Variants in KCNMB2 observed in about 807,000 individuals in gnomAD.
KCNMB2 encodes the protein potassium calcium-activated channel subfamily M regulatory beta subunit 2, also known as calcium-activated potassium channel subunit beta-2.
KCNMB2 carries 9 observed loss-of-function variants against 24.5 expected under a neutral mutation model. The ratio of observed to expected loss-of-function variants is 0.37; its 90% CI spans 0.22 to 0.64. KCNMB2 has a LOEUF of 0.64. Among genes scored for constraint, KCNMB2 ranks in the 30% least tolerant of loss-of-function variants. KCNMB2 has a pLI of 0.63. For missense variants in KCNMB2, 226 were observed against 284.3 expected, an observed-to-expected ratio of 0.79 and a Z score of 1.47; for synonymous variants, 109 against 104.4, an observed-to-expected ratio of 1.04 and a Z score of -0.27.
At chr3:178,631,679 T>C (rs1472298393) in intron 1 of KCNMB2, among the ~76,000 whole-genome samples, 1 of 152,238 alleles carries the variant, frequency 6.6e-6, no homozygotes, top group Non-Finnish European at 1.5e-5. Flanking sequence ...GTGTGCTATT[T>C]GTCACAATTC....
At chr3:178,716,789 C>T (rs372171792) in intron 1 of KCNMB2, among the ~76,000 whole-genome samples, 1 of 152,134 alleles carries the variant, frequency 6.6e-6, no homozygotes, top group Non-Finnish European at 1.5e-5. Context: ...AGGTTTTCCA[C>T]ATATATGCAT....
chr3:178,579,429 A>T (rs924136412), intron 1 of KCNMB2, among the ~76,000 whole-genome samples: 2 of 152,316 alleles, frequency 1.3e-5, no homozygotes, highest in African/African-American at 4.8e-5. Context: ...AAAGATCTAA[A>T]ATCAAGACCC....
chr3:178,813,948 CGTTGTTGTTGTT>C (rs201495357), intron 2 of KCNMB2, among the ~76,000 whole-genome samples: 9 of 149,470 alleles, frequency 6.0e-5, no homozygotes, highest in South Asian at 2.1e-4. Flanking sequence ...AACTTCACTA[CGTTGTTGTTGTT>C]GTTGTTGTTG....
At chr3:178,579,172 C>T (rs1322622396) in intron 1 of KCNMB2, among the ~76,000 whole-genome samples, 1 of 152,054 alleles carries the variant, frequency 6.6e-6, no homozygotes, top group Non-Finnish European at 1.5e-5. Context: ...ATAACAGTCT[C>T]TCAGACTACA....
chr3:178,806,535 A>T (rs1713976163), intron 1 of KCNMB2, among the ~76,000 whole-genome samples: 1 of 152,100 alleles, frequency 6.6e-6, no homozygotes, highest in Non-Finnish European at 1.5e-5. Flanking sequence ...TAATGTGTTA[A>T]ATATCATTTT....
chr3:178,607,412 C>T (rs749499460), intron 1 of KCNMB2, among the ~76,000 whole-genome samples: 2 of 152,126 alleles, frequency 1.3e-5, no homozygotes, highest in African/African-American at 2.4e-5. Flanking sequence ...TTTAAAATGC[C>T]TGCAAACCTC....
chr3:178,805,177 T>C (rs904064199), intron 1 of KCNMB2, among the ~76,000 whole-genome samples: 2 of 152,226 alleles, frequency 1.3e-5, no homozygotes, highest in African/African-American at 4.8e-5. Flanking sequence ...TACTGGTTAC[T>C]AAACTCTCAG....
At chr3:178,800,826 A>G (rs1033999564) in intron 1 of KCNMB2, among the ~76,000 whole-genome samples, 1 of 152,176 alleles carries the variant, frequency 6.6e-6, no homozygotes, top group Non-Finnish European at 1.5e-5. Flanking sequence ...ACATATACAC[A>G]ATGAAGTACT....
chr3:178,836,326 A>C (rs977936137), intron 4 of KCNMB2, among the ~76,000 whole-genome samples: 3 of 152,110 alleles, frequency 2.0e-5, no homozygotes, highest in Non-Finnish European at 4.4e-5. Flanking sequence ...CTAAGGAAAA[A>C]AAAATTTAGT....
chr3:178,718,330 A>G (rs1413622250), intron 1 of KCNMB2, among the ~76,000 whole-genome samples: 2 of 152,194 alleles, frequency 1.3e-5, no homozygotes, highest in African/African-American at 2.4e-5. Context: ...AACCCAACCA[A>G]ACAAGAAAAT....
At chr3:178,739,808 T>C (rs1230237472) in intron 1 of KCNMB2, among the ~76,000 whole-genome samples, 1 of 151,898 alleles carries the variant, frequency 6.6e-6, no homozygotes, top group Non-Finnish European at 1.5e-5. Context: ...GAAGGGAATA[T>C]ATAAAACTTC....
Position 178,689,813 on chromosome 3 carries a change from T to G in KCNMB2, c.-67-117530T>G, listed in dbSNP as rs73045976. On this transcript the variant is annotated intron_variant, in intron 1 of 4. Coordinates refer to ENST00000452583, the MANE Select transcript of KCNMB2 (RefSeq NM_181361.3). ...GTAGCTTGAACTTGGGTCTTCTCAC[T>G]CTAGTGACATGTTCATACACTACTC... 1.6e-3 allele frequency among the ~76,000 whole-genome samples: 251 copies of G among 152,242 alleles called. 1 individual carries two copies. The highest frequency in any genetic ancestry group is 5.8e-3 in the African/African-American group (240 of 41,542).
chr3:178,801,190 GGTTT>G (rs1281334121), intron 1 of KCNMB2, among the ~76,000 whole-genome samples: 2 of 152,062 alleles, frequency 1.3e-5, no homozygotes, highest in Non-Finnish European at 2.9e-5. Context: ...ATAATTGGAT[GGTTT>G]GTAACACGAT....
chr3:178,760,697 A>T (rs1352237962), intron 1 of KCNMB2, among the ~76,000 whole-genome samples: 2 of 151,808 alleles, frequency 1.3e-5, no homozygotes, highest in East Asian at 1.9e-4. Context: ...AGTGTAAGGG[A>T]GATAAGCAAG....
chr3:178,804,711 T>A (rs1713897795), intron 1 of KCNMB2, among the ~76,000 whole-genome samples: 1 of 152,246 alleles, frequency 6.6e-6, no homozygotes, highest in Non-Finnish European at 1.5e-5. Context: ...ATAATTTGTA[T>A]GATGTGTCTA....
At chr3:178,837,818 T>C (rs542076222) in intron 4 of KCNMB2, among the ~76,000 whole-genome samples, 132 of 152,254 alleles carry the variant, frequency 8.7e-4, no homozygotes, top group Middle Eastern at 3.4e-3. Context: ...GTAGTTTATA[T>C]GAAGAATCTT....
At chr3:178,652,868 G>T (rs1720181287) in intron 1 of KCNMB2, among the ~76,000 whole-genome samples, 1 of 151,778 alleles carries the variant, frequency 6.6e-6, no homozygotes, top group African/African-American at 2.4e-5. Flanking sequence ...TCACCATGTT[G>T]GTCAGGCTGG....
intron 1 of KCNMB2, among the ~76,000 whole-genome samples, chr3:178,616,512 C>A (rs1030915368): frequency 3.9e-5 from 6 of 152,210 alleles, no homozygotes; most frequent in Non-Finnish European, 8.8e-5. Flanking sequence ...TCCAGAGACA[C>A]TCTCTGCACC....
At chr3:178,810,821 G>A (rs1160154106) in intron 2 of KCNMB2, among the ~76,000 whole-genome samples, 4 of 151,432 alleles carry the variant, frequency 2.6e-5, no homozygotes, top group East Asian at 1.9e-4. Flanking sequence ...TGCAACCTCC[G>A]CCTCCCGGGT....
Sources: allele counts gnomAD v4.1 joint callset (sites outside exome capture counted in the v4.1 genomes callset), GRCh38; gene constraint gnomAD v4.1.1; transcripts MANE v1.5; gene names NCBI Gene and HGNC (gene_info 2026-07-23, HGNC 2026-07-21).